Variants in WDFY3 observed in about 807,000 individuals in gnomAD.
WDFY3 encodes WD repeat and FYVE domain-containing protein 3.
Under a neutral mutation model 409.6 loss-of-function variants are expected in WDFY3, and 66 were observed. That is an observed-to-expected ratio of 0.16 (90% confidence interval 0.13 to 0.20). The LOEUF is 0.20. Ranked by LOEUF, WDFY3 falls within the 10% of genes least tolerant of loss-of-function variation. The probability of loss-of-function intolerance (pLI) is 1.00; values close to 1 mark genes in which losing one functional copy is unlikely to be tolerated. For synonymous variants in WDFY3, 1,521 were observed against 1,537.1 expected, an observed-to-expected ratio of 0.99 and a Z score of 0.25; for missense variants, 3,031 against 4,298.1, an observed-to-expected ratio of 0.71 and a Z score of 8.24.
chr4:84,768,103 A>G (rs1259899380), intron 30 of WDFY3, among the ~76,000 whole-genome samples: 1 of 152,204 alleles, frequency 6.6e-6, no homozygotes, highest in Non-Finnish European at 1.5e-5. Context: ...AGACAAAAAG[A>G]AAAAACAAAG....
At position 84,690,530 on chromosome 4, in the gene WDFY3, C is replaced by G. The variant is rs758122406; in HGVS notation, c.9339G>C (p.Lys3113Asn). ...CCTGTTTGAGGGTGACGGTCTTGGC[C>G]TTTTCTTTGGAGGTGCCCATCTCCC... ...CVWEMGTSKEKAKTVTLKQAL... is the reference protein window; with the variant it reads ...CVWEMGTSKENAKTVTLKQAL... The change falls in exon 61 of 68, where the codon AAG becomes AAC. Residue 3113 changes from lysine to asparagine, a missense_variant. Physicochemically the swap from Lys to Asn is moderately conservative, Grantham distance 94. This residue lies in a region of WDFY3 where 152 missense variants were observed against 193.5 expected (regional missense o/e 0.79). Transcript: ENST00000295888. 6.2e-7 allele frequency: 1 copy of G among 1,613,968 alleles called. No homozygotes were observed. Among genetic ancestry groups the G allele is most frequent in the Non-Finnish European group, 8.5e-7 (1 of 1,180,020 alleles).
At chr4:84,859,050 C>T (rs943231541) in intron 4 of WDFY3, among the ~76,000 whole-genome samples, 1 of 150,950 alleles carries the variant, frequency 6.6e-6, no homozygotes, top group African/African-American at 2.4e-5. Context: ...ACAGACAGGG[C>T]AAGGCAGAGA....
At chr4:84,685,851 T>C (rs1209952884) in intron 62 of WDFY3, among the ~76,000 whole-genome samples, 1 of 152,210 alleles carries the variant, frequency 6.6e-6, no homozygotes, top group Non-Finnish European at 1.5e-5. Context: ...AACAACTGGC[T>C]ATATAATAAA....
chr4:84,685,360 C>T (rs1418119568), intron 62 of WDFY3, among the ~76,000 whole-genome samples: 1 of 152,180 alleles, frequency 6.6e-6, no homozygotes, highest in African/African-American at 2.4e-5. Flanking sequence ...CTGCTCCTTG[C>T]TCCTCCCACC....
At chr4:84,747,691 G>A (rs1339048076) in intron 36 of WDFY3, among the ~76,000 whole-genome samples, 2 of 152,078 alleles carry the variant, frequency 1.3e-5, no homozygotes, top group Non-Finnish European at 2.9e-5. Context: ...TCTTGTGATA[G>A]TGAGTGAGTT....
chr4:84,962,434 A>G (rs965059190), intron 1 of WDFY3, among the ~76,000 whole-genome samples: 1 of 152,218 alleles, frequency 6.6e-6, no homozygotes, highest in Admixed American at 6.5e-5. Context: ...ATGCCAGACG[A>G]GATAAAACTT....
chr4:84,715,573 G>C (rs2149039731), intron 49 of WDFY3, among the ~76,000 whole-genome samples, 190 bp from the exon 50 acceptor site: 1 of 152,078 alleles, frequency 6.6e-6, no homozygotes, highest in East Asian at 1.9e-4. Context: ...AGGAGATCGA[G>C]ACCATCCTGG....
At chr4:84,960,988 G>A (rs866990178) in intron 1 of WDFY3, among the ~76,000 whole-genome samples, 1 of 152,028 alleles carries the variant, frequency 6.6e-6, no homozygotes, top group Non-Finnish European at 1.5e-5. Flanking sequence ...AGGCCGAGGC[G>A]GGCGGATCAC....
At chr4:84,870,289 C>T (rs1039219784) in intron 3 of WDFY3, among the ~76,000 whole-genome samples, 1 of 152,174 alleles carries the variant, frequency 6.6e-6, no homozygotes, top group Non-Finnish European at 1.5e-5. Flanking sequence ...ACTGGATCAA[C>T]TCTAACTCAA....
chr4:84,909,911 A>G (rs1036370686), intron 2 of WDFY3, among the ~76,000 whole-genome samples: 8 of 152,200 alleles, frequency 5.3e-5, no homozygotes, highest in East Asian at 3.8e-4. Context: ...GTATAACTCC[A>G]TAAGTATTCA....
chr4:84,741,316 G>GTTTTT (rs879900100), intron 38 of WDFY3, among the ~76,000 whole-genome samples: 1 of 140,570 alleles, frequency 7.1e-6, no homozygotes, highest in Non-Finnish European at 1.6e-5. Flanking sequence ...TCTCTATTCA[G>GTTTTT]TTTTTTTTTT....
chr4:84,913,310 AG>A (rs1436652554), intron 2 of WDFY3, among the ~76,000 whole-genome samples: 1 of 152,222 alleles, frequency 6.6e-6, no homozygotes, highest in Non-Finnish European at 1.5e-5. Context: ...TTGTTACAGA[AG>A]AAGCCATAAA....
At chr4:84,925,294 T>C (rs1769822966) in intron 2 of WDFY3, among the ~76,000 whole-genome samples, 1 of 152,222 alleles carries the variant, frequency 6.6e-6, no homozygotes, top group African/African-American at 2.4e-5. Context: ...TAATAACTAC[T>C]TCTAGTCACT....
At chr4:84,682,780 G>C in intron 63 of WDFY3, 3 of 276,902 alleles carry the variant, frequency 1.1e-5, no homozygotes, top group Non-Finnish European at 1.4e-5. Context: ...TCAGGAGTTT[G>C]AGACCAGCCA....
At chr4:84,754,910 A>G (rs766056939) in intron 34 of WDFY3, among the ~76,000 whole-genome samples, 1 of 152,210 alleles carries the variant, frequency 6.6e-6, no homozygotes, top group African/African-American at 2.4e-5. Context: ...AGCCATGTTT[A>G]TAAGTGCTTT....
chr4:84,688,384 C>T, intron 61 of WDFY3, 119 bp from the exon 62 acceptor site: 1 of 1,000,970 alleles, frequency 1.0e-6, no homozygotes, highest in South Asian at 1.7e-5. Context: ...TAGTAGGTGA[C>T]TTGAGCAGTG....
At chr4:84,727,682 G>A (rs373178369) in intron 44 of WDFY3, among the ~76,000 whole-genome samples, 12 of 152,202 alleles carry the variant, frequency 7.9e-5, no homozygotes, top group East Asian at 1.9e-4. Flanking sequence ...AACCACTTCC[G>A]AATTTCCTTC....
intron 27 of WDFY3, among the ~76,000 whole-genome samples, chr4:84,778,196 A>G (rs1306801862): frequency 6.6e-6 from 1 of 152,168 alleles, no homozygotes; most frequent in East Asian, 1.9e-4. Flanking sequence ...ATCAAGAAAA[A>G]GTTTCTATCA....
In WDFY3 at chr4:84,849,956, C is replaced by A; in HGVS notation, c.250G>T (p.Val84Phe). 6.2e-7 allele frequency: 1 copy of A among 1,611,076 alleles called. No homozygotes were observed. Among genetic ancestry groups the A allele is most frequent in the Non-Finnish European group, 8.5e-7 (1 of 1,179,054 alleles). ...FSDLLQFTTQ[V>F]SRLMVTEIRR... is the part of the protein sequence containing the mutation. Reference sequence around the variant, plus strand: ...ATTTCTGTCACCATTAGTCGTGAGACTTGTGTTGTGAACTGCAGAAGATCA... The same window carrying A: ...ATTTCTGTCACCATTAGTCGTGAGAATTGTGTTGTGAACTGCAGAAGATCA... The change falls in exon 5 of 68, where the codon GTC (valine) becomes TTC (phenylalanine). Residue 84 changes from valine to phenylalanine, a missense_variant. Transcript: ENST00000295888.
Sources: gnomAD v4.1 joint callset for allele counts (sites outside exome capture counted in the v4.1 genomes callset) on GRCh38, gnomAD v4.1.1 for gene constraint, gnomAD v4.1.1 regional missense constraint, MANE v1.5 for transcripts, NCBI Gene and HGNC (gene_info 2026-07-23, HGNC 2026-07-21) for gene names.